RAB23: variants seen among roughly 807,000 people sequenced by gnomAD.
RAB23 encodes the protein RAB23, member RAS oncogene family.
In RAB23, 15 loss-of-function variants were observed where a neutral mutation model predicts 30.0. The observed-to-expected ratio is 0.50, with a 90% CI of 0.33 to 0.77. The LOEUF (loss-of-function observed/expected upper bound fraction) is 0.77, where lower values mean the gene tolerates loss of function less well. Ranked by LOEUF, RAB23 falls within the 30% of genes least tolerant of loss-of-function variation. RAB23 has a pLI of 0.02. For synonymous variants in RAB23, 93 were observed against 94.0 expected, an observed-to-expected ratio of 0.99 and a Z score of 0.06; for missense variants, 243 against 275.4, an observed-to-expected ratio of 0.88 and a Z score of 0.83.
intron 6 of RAB23, among the ~76,000 whole-genome samples, chr6:57,191,338 A>G (rs1414026986): frequency 6.6e-6 from 1 of 152,230 alleles, no homozygotes; most frequent in Non-Finnish European, 1.5e-5. Context: ...ATAAGCTAAA[A>G]TGCATATATA....
In RAB23 at chr6:57,193,857, T is replaced by C. The variant is rs1764926632; in HGVS notation, c.559A>G (p.Ser187Gly). ...IAEDPELTHS[S>G]SNKIGVFNTS... ...ATGTACTTACCAATCTTGTTACTACTTGAATGCGTTAGTTCTGGATCCTCA... is the reference window on the plus strand; with the variant it reads ...ATGTACTTACCAATCTTGTTACTACCTGAATGCGTTAGTTCTGGATCCTCA... Residue 187 changes from serine to glycine, a missense_variant, in exon 6 of 7, where the codon AGT becomes GGT. Coordinates refer to ENST00000468148, the MANE Select transcript of RAB23 (RefSeq NM_016277.5). The C allele has an allele frequency of 3.7e-6, 6 of 1,612,944 alleles. No homozygotes were observed. In the East Asian group the frequency reaches 1.3e-4, roughly 36 times the overall value.
chr6:57,193,228 G>GA (rs1451385862), intron 6 of RAB23, among the ~76,000 whole-genome samples: 1 of 150,960 alleles, frequency 6.6e-6, no homozygotes, highest in Non-Finnish European at 1.5e-5. Context: ...CAGAATCCAG[G>GA]AAAAATCTAA....
chr6:57,211,117 T>G (rs185311845), intron 1 of RAB23, among the ~76,000 whole-genome samples: 39 of 152,302 alleles, frequency 2.6e-4, no homozygotes, highest in African/African-American at 8.4e-4. Context: ...ATGAATTTCC[T>G]GTTTAGACTC....
chr6:57,201,242 A>C (rs907717829), intron 3 of RAB23, among the ~76,000 whole-genome samples: 1 of 151,972 alleles, frequency 6.6e-6, no homozygotes, highest in African/African-American at 2.4e-5. Context: ...CACCATGCCC[A>C]ACTAATTTTT....
intron 3 of RAB23, among the ~76,000 whole-genome samples, chr6:57,204,722 T>G (rs1202675358): frequency 6.6e-6 from 1 of 152,154 alleles, no homozygotes; most frequent in Non-Finnish European, 1.5e-5. Flanking sequence ...AGCAATGTTA[T>G]TACATGAATA....
chr6:57,207,487 T>C (rs911810120), intron 3 of RAB23, 141 bp downstream of exon 3: 14 of 623,792 alleles, frequency 2.2e-5, no homozygotes, highest in Non-Finnish European at 3.7e-5. Context: ...AATAATGAAC[T>C]GGGGTTTTAA....
chr6:57,188,120 G>GAA lies in RAB23; in HGVS notation c.*2339_*2340dup, dbSNP rs1562645924. On this transcript the variant is annotated 3_prime_UTR_variant, in exon 7 of 7. Coordinates refer to ENST00000468148, the MANE Select transcript of RAB23 (RefSeq NM_016277.5). Reference sequence around the variant, plus strand: ...AAATGCACAATCACCTGGAATCTTGGAAAAGTTTTTCTTTAGTATACATGG... The same window carrying GAA: ...AAATGCACAATCACCTGGAATCTTGGAAAAAAGTTTTTCTTTAGTATACATGG... 1 of 152,068 alleles carries GAA rather than the reference G, an allele frequency of 6.6e-6. No individual in the cohort carries two copies. Among genetic ancestry groups the GAA allele is most frequent in the African/African-American group, 2.4e-5 (1 of 41,422 alleles). 9.4% of individuals were successfully genotyped at this position (152,068 alleles called of 1,614,324 possible).
In RAB23 at chr6:57,188,847, C is replaced by T. The variant is rs1006281189; in HGVS notation, c.*1614G>A. 5 of 151,844 alleles carry T rather than the reference C, an allele frequency of 3.3e-5. No individual in the cohort carries two copies. The highest frequency in any genetic ancestry group is 1.2e-4 in the African/African-American group (5 of 41,350). 9.4% of individuals were successfully genotyped at this position (151,844 alleles called of 1,614,324 possible). A position where few individuals can be genotyped will look rare whatever the true frequency, so the allele number is the denominator to read the frequency against. On this transcript the variant is annotated 3_prime_UTR_variant, in exon 7 of 7. Transcript: ENST00000468148. ...CAAAGAGAACATTTACTTTTGATCA[C>T]TTAACAAGGACACACCCAGGAAATT...
intron 2 of RAB23, among the ~76,000 whole-genome samples, chr6:57,209,258 A>G (rs996432805): frequency 6.6e-6 from 1 of 152,184 alleles, no homozygotes; most frequent in African/African-American, 2.4e-5. Flanking sequence ...TCCACAAATG[A>G]CCACAAATGT....
intron 2 of RAB23, among the ~76,000 whole-genome samples, chr6:57,207,982 G>A (rs1765510056): frequency 6.6e-6 from 1 of 152,100 alleles, no homozygotes. Flanking sequence ...AAATCCTTAT[G>A]CTCCTCAACT....
chr6:57,195,004 TAA>T, intron 4 of RAB23, 152 bp from the exon 5 acceptor site: 2 of 649,328 alleles, frequency 3.1e-6, no homozygotes, highest in Non-Finnish European at 2.7e-6. Context: ...TATTTCTTTT[TAA>T]AAGAGCTTGA....
rs545879179 is a variant in RAB23, at chr6:57,198,789, C to T, written c.242-2183G>A. On this transcript the variant is annotated intron_variant, in intron 3 of 6. Coordinates refer to ENST00000468148, the MANE Select transcript of RAB23 (RefSeq NM_016277.5). ...AATTTGAGGGCACAATAGGGTATTT[C>T]CAAGTGTTCAAGGTCTCAGACACTT... is the stretch of plus-strand genomic sequence containing the variant. 3.5e-4 allele frequency among the ~76,000 whole-genome samples: 54 copies of T among 152,200 alleles called. 1 individual carries two copies. The highest frequency in any genetic ancestry group is 1.4e-3 in the Admixed American group (21 of 15,282).
intron 1 of RAB23, among the ~76,000 whole-genome samples, chr6:57,217,080 A>G (rs7744316): frequency 0.24 from 36,581 of 151,890 alleles, 4,830 homozygotes; most frequent in African/African-American, 0.36. Flanking sequence ...CATACAGAAT[A>G]TGTTCACTGA....
intron 3 of RAB23, among the ~76,000 whole-genome samples, chr6:57,205,580 A>T (rs1325669511): frequency 6.6e-6 from 1 of 152,226 alleles, no homozygotes; most frequent in African/African-American, 2.4e-5. Flanking sequence ...GCTAAAAAAA[A>T]TTATTAACTG....
chr6:57,222,001 C>G lies in RAB23; in HGVS notation c.-341G>C, dbSNP rs1436905257. On this transcript the variant is annotated 5_prime_UTR_variant, in exon 1 of 7. Transcript: ENST00000468148. ...GCGAGTGAGTGCAGCGCCGCTGCAC[C>G]GCAGCGCGAGCCGCTACTCACCGTC... 1.3e-5 allele frequency: 2 copies of G among 152,284 alleles called. No homozygotes were observed. Among genetic ancestry groups the G allele is most frequent in the East Asian group, 3.9e-4 (2 of 5,144 alleles). The allele number at this position is 152,284 out of a possible 1,614,324, so 9.4% of individuals were successfully genotyped here. A position where few individuals can be genotyped will look rare whatever the true frequency, so the allele number is the denominator to read the frequency against.
chr6:57,204,343 T>C (rs571170590), intron 3 of RAB23, among the ~76,000 whole-genome samples: 44 of 152,302 alleles, frequency 2.9e-4, no homozygotes, highest in African/African-American at 1.0e-3. Flanking sequence ...AAGTACTGCT[T>C]CTCTGATAAT....
At position 57,196,515 on chromosome 6, in the gene RAB23, C is replaced by T. The variant is rs749833240; in HGVS notation, c.333G>A (p.Val111=). ...GCACAAGTACAGTTGGTATATCTCC[C>T]ACTTCGGCTACTACTTTCTCTCTCC... The part of the protein sequence containing the change: ...SSWREKVVAE[V]GDIPTVLVQN... The change falls in exon 4 of 7, where the codon GTG becomes GTA. Residue 111 remains valine (V), a synonymous_variant. Coordinates refer to ENST00000468148, the MANE Select transcript of RAB23 (RefSeq NM_016277.5). 5 of 1,614,006 alleles carry T rather than the reference C, an allele frequency of 3.1e-6. No individual in the cohort carries two copies. The East Asian group carries it at 1.1e-4, about 36-fold the overall frequency.
chr6:57,195,650 G>T (rs531499370), intron 4 of RAB23, among the ~76,000 whole-genome samples: 13 of 152,342 alleles, frequency 8.5e-5, no homozygotes, highest in Non-Finnish European at 1.8e-4. Flanking sequence ...TGTGAGAATA[G>T]GAGAGGCCCA....
intron 3 of RAB23, among the ~76,000 whole-genome samples, chr6:57,199,021 C>A (rs1765134965): frequency 6.6e-6 from 1 of 152,180 alleles, no homozygotes; most frequent in Non-Finnish European, 1.5e-5. Flanking sequence ...TGGGAATGTG[C>A]CAAAGTGCTT....
Sources: gnomAD v4.1 joint callset for allele counts (sites outside exome capture counted in the v4.1 genomes callset) on GRCh38, gnomAD v4.1.1 for gene constraint, MANE v1.5 for transcripts, NCBI Gene and HGNC (gene_info 2026-07-23, HGNC 2026-07-21) for gene names.